The following TBC1D32 variants were observed in gnomAD, a reference collection of about 807,000 sequenced individuals.
TBC1D32 encodes TBC1 domain family member 32.
A neutral mutation model predicts 170.3 loss-of-function variants in TBC1D32; 151 were observed. The observed-to-expected ratio is 0.89, with a 90% CI of 0.78 to 1.01. The LOEUF is 1.01. TBC1D32 is among the 50% of genes least tolerant of loss of function. The pLI, the probability that TBC1D32 is intolerant of heterozygous loss-of-function variation, is 0.00. For missense variants in TBC1D32, 1,464 were observed against 1,457.1 expected, an observed-to-expected ratio of 1.00 and a Z score of -0.08; for synonymous variants, 498 against 488.0, an observed-to-expected ratio of 1.02 and a Z score of -0.27.
In TBC1D32 at chr6:121,160,947, C is replaced by T; in HGVS notation, c.2679+1G>A. On this transcript the variant is annotated splice_donor_variant, in intron 23 of 31. Coordinates refer to ENST00000398212, the MANE Select transcript of TBC1D32 (RefSeq NM_152730.6). LOFTEE classifies it high-confidence loss of function. Reference sequence around the variant, plus strand: ...CCCACTTCTCTTTGCCCCACACTCACCTTTTCGAGTAACCTCGGAGGCAAA... The same window carrying T: ...CCCACTTCTCTTTGCCCCACACTCATCTTTTCGAGTAACCTCGGAGGCAAA... 42 of 1,612,200 alleles carry T rather than the reference C, an allele frequency of 2.6e-5. No individual in the cohort carries two copies. The highest frequency in any genetic ancestry group is 3.5e-5 in the Non-Finnish European group (41 of 1,178,360).
chr6:121,234,643 A>G (rs1269472893), intron 20 of TBC1D32, among the ~76,000 whole-genome samples: 2 of 151,938 alleles, frequency 1.3e-5, no homozygotes, highest in African/African-American at 4.8e-5. Context: ...TATTTCTTTA[A>G]GTTGGACTTC....
Position 121,308,076 on chromosome 6 carries a change from A to C in TBC1D32, c.590T>G (p.Leu197Ter), listed in dbSNP as rs1208409436. The change falls in exon 5 of 32, where the codon TTA (leucine) becomes TGA (stop). Residue 197 changes from leucine (L) to a stop codon, truncating the protein, a stop_gained. Transcript: ENST00000398212. LOFTEE classifies it high-confidence loss of function. ...KEVRYEALQT[L>*]CSAPPSDVLN... The stretch of plus-strand genomic sequence containing the variant: ...GACATCAGATGGAGGAGCTGAACAT[A>C]ATGTTTGCAAGGCTTCATATCTCAC... 1 of 1,613,606 alleles carries C rather than the reference A, an allele frequency of 6.2e-7. No homozygotes were observed.
chr6:121,228,155 G>T (rs1795292501), intron 20 of TBC1D32, among the ~76,000 whole-genome samples: 1 of 151,828 alleles, frequency 6.6e-6, no homozygotes, highest in African/African-American at 2.4e-5. Context: ...GGTAATTTTG[G>T]ATCTCTCTTA....
intron 29 of TBC1D32, among the ~76,000 whole-genome samples, chr6:121,109,365 T>C (rs560763929): frequency 2.5e-4 from 38 of 152,294 alleles, no homozygotes; most frequent in African/African-American, 8.7e-4. Context: ...TTTAGCCTGA[T>C]TTATCATAAG....
intron 21 of TBC1D32, among the ~76,000 whole-genome samples, chr6:121,219,321 T>C (rs1231943232): frequency 6.6e-6 from 1 of 152,238 alleles, no homozygotes; most frequent in African/African-American, 2.4e-5. Context: ...AGCAGTGATC[T>C]TTCTACAGGG....
In TBC1D32 at chr6:121,106,019, T is replaced by C. The variant is rs1430809159; in HGVS notation, c.3465+4A>G. The stretch of plus-strand genomic sequence containing the variant: ...TGGAGAAATGCTACTCCCTTATGGA[T>C]TACCTGTGATGGTGCAAAACCAGAC... On this transcript the variant is annotated splice_donor_region_variant and intron_variant, in intron 30 of 31. Transcript: ENST00000398212. 2 of 1,600,736 alleles carry C rather than the reference T, an allele frequency of 1.2e-6. No individual in the cohort carries two copies. Among genetic ancestry groups the C allele is most frequent in the African/African-American group, 1.3e-5 (1 of 74,640 alleles).
chr6:121,209,845 A>C (rs1792820193), intron 21 of TBC1D32, among the ~76,000 whole-genome samples: 1 of 152,186 alleles, frequency 6.6e-6, no homozygotes, highest in Non-Finnish European at 1.5e-5. Flanking sequence ...ACCTGACAGC[A>C]CTTGCAGTCC....
chr6:121,139,097 C>T (rs543619156), intron 24 of TBC1D32, among the ~76,000 whole-genome samples: 10 of 152,126 alleles, frequency 6.6e-5, no homozygotes, highest in Admixed American at 1.3e-4. Context: ...CCGCCCGCCT[C>T]GGCCTCCCAA....
intron 20 of TBC1D32, chr6:121,224,529 G>A (rs1159889716): frequency 1.3e-5 from 2 of 152,048 alleles, no homozygotes; most frequent in Non-Finnish European, 2.9e-5. Flanking sequence ...GAAAAAAATT[G>A]AGCTCAAGTG....
chr6:121,219,343 TG>T (rs1794225864), intron 21 of TBC1D32, among the ~76,000 whole-genome samples: 1 of 152,214 alleles, frequency 6.6e-6, no homozygotes, highest in Non-Finnish European at 1.5e-5. Flanking sequence ...TAAAATATAA[TG>T]CCTTTGGGAG....
At chr6:121,300,504 T>A (rs961632538) in intron 9 of TBC1D32, among the ~76,000 whole-genome samples, 1 of 151,986 alleles carries the variant, frequency 6.6e-6, no homozygotes, top group African/African-American at 2.4e-5. Flanking sequence ...GGAAAGGATT[T>A]CCTATTTAAT....
intron 25 of TBC1D32, 88 bp downstream of exon 25, chr6:121,131,539 T>A: frequency 7.3e-7 from 1 of 1,364,420 alleles, no homozygotes; most frequent in Non-Finnish European, 9.9e-7. Flanking sequence ...GTTTTCTACA[T>A]ATGCCAATAC....
At chr6:121,136,735 G>A (rs1782131734) in intron 24 of TBC1D32, among the ~76,000 whole-genome samples, 1 of 152,104 alleles carries the variant, frequency 6.6e-6, no homozygotes, top group Non-Finnish European at 1.5e-5. Context: ...GGCGATCTGT[G>A]TATGAATATT....
At chr6:121,097,753 T>C (rs1180181551) in intron 30 of TBC1D32, among the ~76,000 whole-genome samples, 3 of 152,146 alleles carry the variant, frequency 2.0e-5, no homozygotes, top group Non-Finnish European at 4.4e-5. Context: ...CGTATGTTTA[T>C]AGCGGCACTA....
At chr6:121,181,730 G>T (rs1788538514) in intron 22 of TBC1D32, among the ~76,000 whole-genome samples, 1 of 152,072 alleles carries the variant, frequency 6.6e-6, no homozygotes, top group Non-Finnish European at 1.5e-5. Flanking sequence ...CAGCCTAAGT[G>T]TCCATCAACA....
At chr6:121,285,302 T>C (rs1803628219) in intron 12 of TBC1D32, among the ~76,000 whole-genome samples, 1 of 152,278 alleles carries the variant, frequency 6.6e-6, no homozygotes, top group Non-Finnish European at 1.5e-5. Flanking sequence ...TGGGTTGAAG[T>C]CCAGAGCTAA....
At chr6:121,322,560 C>G (rs1809880185) in intron 1 of TBC1D32, among the ~76,000 whole-genome samples, 1 of 152,162 alleles carries the variant, frequency 6.6e-6, no homozygotes, top group African/African-American at 2.4e-5. Context: ...TCCTTTCTCA[C>G]CTAAGACCCA....
intron 15 of TBC1D32, among the ~76,000 whole-genome samples, chr6:121,267,908 T>C (rs1800764286): frequency 6.6e-6 from 1 of 152,080 alleles, no homozygotes; most frequent in African/African-American, 2.4e-5. Flanking sequence ...GAGATGAAGC[T>C]TCCAGTGGAA....
chr6:121,194,264 T>C (rs764671030), intron 22 of TBC1D32, among the ~76,000 whole-genome samples: 2 of 152,212 alleles, frequency 1.3e-5, no homozygotes. Context: ...ACTTAGAAGC[T>C]GGCAGAATGC....
Sources: allele counts gnomAD v4.1 joint callset (sites outside exome capture counted in the v4.1 genomes callset), GRCh38; gene constraint gnomAD v4.1.1; transcripts MANE v1.5; gene names NCBI Gene and HGNC (gene_info 2026-07-23, HGNC 2026-07-21).